Variants in AGMO observed in about 807,000 individuals in gnomAD.
AGMO encodes glyceryl-ether monooxygenase.
In AGMO, 75 loss-of-function variants were observed where a neutral mutation model predicts 60.2. The ratio of observed to expected loss-of-function variants is 1.25; its 90% CI spans 1.03 to 1.51. AGMO has a LOEUF of 1.51. Among genes scored for constraint, AGMO ranks in the 40% most tolerant of loss-of-function variants. The pLI is 0.00. For synonymous variants in AGMO, 261 were observed against 177.1 expected, an observed-to-expected ratio of 1.47 and a Z score of -3.76; for missense variants, 763 against 525.5, an observed-to-expected ratio of 1.45 and a Z score of -4.42.
intron 3 of AGMO, among the ~76,000 whole-genome samples, chr7:15,473,653 A>G (rs566692111): frequency 6.6e-6 from 1 of 152,276 alleles, no homozygotes; most frequent in South Asian, 2.1e-4. Context: ...AACCAGTACA[A>G]GACAAGGATG....
intron 12 of AGMO, among the ~76,000 whole-genome samples, chr7:15,298,730 A>G (rs968107824): frequency 1.3e-5 from 2 of 152,106 alleles, no homozygotes; most frequent in Non-Finnish European, 2.9e-5. Context: ...GCCACTCATT[A>G]ATTTTAAGCT....
intron 3 of AGMO, among the ~76,000 whole-genome samples, chr7:15,521,585 A>C (rs541021900): frequency 6.6e-6 from 1 of 152,340 alleles, no homozygotes; most frequent in African/African-American, 2.4e-5. Context: ...AAATGGAACC[A>C]ATGACAAAAA....
chr7:15,182,946 T>A, the AGMO span, among the ~76,000 whole-genome samples: 1 of 151,898 alleles, frequency 6.6e-6, no homozygotes, highest in Admixed American at 6.6e-5. Flanking sequence ...AGGTGCTACA[T>A]ATTTTTAAAC....
intron 5 of AGMO, chr7:15,396,356 G>A (rs1018479881): frequency 2.0e-5 from 3 of 152,216 alleles, no homozygotes; most frequent in South Asian, 2.1e-4. Context: ...TATAGCTGCA[G>A]ATCTTCACAG....
At chr7:15,364,501 A>T (rs1317225295) in intron 12 of AGMO, among the ~76,000 whole-genome samples, 2 of 152,026 alleles carry the variant, frequency 1.3e-5, no homozygotes, top group Non-Finnish European at 2.9e-5. Flanking sequence ...AATGAATAAT[A>T]ATTTCAAATA....
chr7:15,372,064 A>C (rs1416569546), intron 10 of AGMO, among the ~76,000 whole-genome samples: 7 of 152,276 alleles, frequency 4.6e-5, no homozygotes, highest in Admixed American at 2.6e-4. Flanking sequence ...ACATATGCTT[A>C]ATTTAGGGTT....
rs527463907 is a variant in AGMO, at chr7:15,270,596, A to ATT, written c.1264-69239_1264-69238dup. ...ATTAAACAAATTTAATCTGTTGATAATTTTTTTTTTTTTTTTTTTTTTTTT... is the reference window on the plus strand; with the variant it reads ...ATTAAACAAATTTAATCTGTTGATAATTTTTTTTTTTTTTTTTTTTTTTTTTT... On this transcript the variant is annotated intron_variant, in intron 12 of 12. Transcript: ENST00000342526. Among the ~76,000 whole-genome samples the ATT allele has an allele frequency of 3.1e-4, 15 of 48,054 alleles. 1 individual carries two copies. The highest frequency in any genetic ancestry group is 1.2e-3 in the South Asian group (1 of 840). 31.5% of individuals were successfully genotyped at this position (48,054 alleles called of 152,430 possible). A position where few individuals can be genotyped will look rare whatever the true frequency, so the allele number is the denominator to read the frequency against.
intron 12 of AGMO, among the ~76,000 whole-genome samples, chr7:15,297,993 G>A (rs1784451569): frequency 6.6e-6 from 1 of 152,066 alleles, no homozygotes; most frequent in Non-Finnish European, 1.5e-5. Flanking sequence ...CCGTCTAAAG[G>A]CAATACTTTA....
chr7:15,320,158 T>C lies in AGMO; in HGVS notation c.1263+45356A>G, dbSNP rs368928070. Among the ~76,000 whole-genome samples the C allele has an allele frequency of 6.6e-5, 10 of 151,992 alleles. No individual in the cohort carries two copies. In the East Asian group the frequency reaches 1.2e-3, roughly 18 times the overall value. On this transcript the variant is annotated intron_variant, in intron 12 of 12. Transcript: ENST00000342526. ...GGATAGCATTGGGAGATATACCTAATGTAAATGACGAGTTAATGGGTGCAG... is the reference window on the plus strand; with the variant it reads ...GGATAGCATTGGGAGATATACCTAACGTAAATGACGAGTTAATGGGTGCAG...
At chr7:15,222,741 T>C (rs1234801719) in intron 12 of AGMO, among the ~76,000 whole-genome samples, 1 of 152,032 alleles carries the variant, frequency 6.6e-6, no homozygotes, top group Non-Finnish European at 1.5e-5. Context: ...TTTTTCCATA[T>C]GTGGTTTCCC....
At chr7:15,134,921 C>G in the AGMO span, among the ~76,000 whole-genome samples, 3 of 151,822 alleles carry the variant, frequency 2.0e-5, no homozygotes, top group Non-Finnish European at 4.4e-5. Context: ...AGTTTACACA[C>G]GAATGACGTT....
At position 15,365,621 on chromosome 7, in the gene AGMO, T is replaced by A. The variant is rs1782946449; in HGVS notation, c.1158-2A>T. 6 of 1,602,672 alleles carry A rather than the reference T, an allele frequency of 3.7e-6. No individual in the cohort carries two copies. Among genetic ancestry groups the A allele is most frequent in the Non-Finnish European group, 5.1e-6 (6 of 1,170,414 alleles). ...GTTTCCATAATAGCTGCCTTGGGTC[T>A]GAAATAAAATGTCATTAACATGCAT... On this transcript the variant is annotated splice_acceptor_variant, in intron 11 of 12. Coordinates refer to ENST00000342526, the MANE Select transcript of AGMO (RefSeq NM_001004320.2). LOFTEE classifies it high-confidence loss of function.
chr7:15,455,236 A>T (rs1411832883), intron 3 of AGMO, among the ~76,000 whole-genome samples: 1 of 152,124 alleles, frequency 6.6e-6, no homozygotes, highest in Non-Finnish European at 1.5e-5. Context: ...GCAGCACGTT[A>T]TGATGTTTTC....
chr7:15,145,758 A>G, the AGMO span, among the ~76,000 whole-genome samples: 2 of 152,168 alleles, frequency 1.3e-5, no homozygotes, highest in Admixed American at 6.5e-5. Context: ...TTTTGAGGAT[A>G]TTCTGTAACA....
At chr7:15,211,615 A>G (rs749030520) in intron 12 of AGMO, among the ~76,000 whole-genome samples, 4 of 151,762 alleles carry the variant, frequency 2.6e-5, no homozygotes, top group Admixed American at 2.0e-4. Flanking sequence ...GTCTTAACAT[A>G]ATTTTTATTT....
At chr7:15,239,055 T>C (rs1411453834) in intron 12 of AGMO, among the ~76,000 whole-genome samples, 2 of 152,232 alleles carry the variant, frequency 1.3e-5, no homozygotes, top group Non-Finnish European at 2.9e-5. Context: ...AGGTAGTACC[T>C]GGCAAACCTA....
At chr7:15,401,702 G>A (rs1254561340) in intron 5 of AGMO, among the ~76,000 whole-genome samples, 1 of 152,086 alleles carries the variant, frequency 6.6e-6, no homozygotes, top group African/African-American at 2.4e-5. Flanking sequence ...CCAAATAAAA[G>A]ATGCTTACAA....
chr7:15,321,837 G>T (rs758377216), intron 12 of AGMO, among the ~76,000 whole-genome samples: 1 of 151,848 alleles, frequency 6.6e-6, no homozygotes, highest in African/African-American at 2.4e-5. Flanking sequence ...GTAAATAGTC[G>T]ATTTTTCTAT....
chr7:15,481,098 A>C (rs2128517227), intron 3 of AGMO, among the ~76,000 whole-genome samples: 1 of 151,842 alleles, frequency 6.6e-6, no homozygotes, highest in Non-Finnish European at 1.5e-5. Flanking sequence ...TCACCACAGA[A>C]CTGTGGGCTG....
Sources: gnomAD v4.1 joint callset for allele counts (sites outside exome capture counted in the v4.1 genomes callset) on GRCh38, gnomAD v4.1.1 for gene constraint, MANE v1.5 for transcripts, NCBI Gene and HGNC (gene_info 2026-07-23, HGNC 2026-07-21) for gene names.